Variants in NGF observed in about 807,000 individuals in gnomAD.
The protein encoded by NGF is nerve growth factor.
A neutral mutation model predicts 12.8 loss-of-function variants in NGF; 4 were observed. The ratio of observed to expected loss-of-function variants is 0.31; its 90% CI spans 0.15 to 0.72. NGF has a LOEUF of 0.72. Ranked by LOEUF, NGF falls within the 30% of genes least tolerant of loss-of-function variation. NGF has a pLI of 0.69. For missense variants in NGF, 283 were observed against 330.8 expected, an observed-to-expected ratio of 0.86 and a Z score of 1.12; for synonymous variants, 140 against 130.0, an observed-to-expected ratio of 1.08 and a Z score of -0.52.
intron 2 of NGF, among the ~76,000 whole-genome samples, chr1:115,290,386 CTTTTTTTTTTTTTTTT>C (rs67332447): frequency 7.8e-5 from 5 of 64,412 alleles, no homozygotes; most frequent in Admixed American, 2.5e-4. Context: ...CTTCTCTCAT[CTTTTTTTTTTTTTTTT>C]TTTTTTTTTT....
chr1:115,327,349 G>T (rs1314155532), intron 1 of NGF, among the ~76,000 whole-genome samples: 1 of 151,888 alleles, frequency 6.6e-6, no homozygotes, highest in Middle Eastern at 3.2e-3. Flanking sequence ...GCTCTTTTTT[G>T]GAAAAGTTCA....
intron 1 of NGF, among the ~76,000 whole-genome samples, chr1:115,297,763 T>C (rs1653915427): frequency 6.6e-6 from 1 of 152,210 alleles, no homozygotes; most frequent in Non-Finnish European, 1.5e-5. Flanking sequence ...CTACTGTCCC[T>C]GAATCCTCTG....
At chr1:115,337,547 C>T (rs578246989) in intron 1 of NGF, among the ~76,000 whole-genome samples, 1 of 152,184 alleles carries the variant, frequency 6.6e-6, no homozygotes, top group East Asian at 1.9e-4. Flanking sequence ...GGTTGTCCAA[C>T]GCGGCTCCGT....
At chr1:115,297,908 A>C (rs1653919474) in intron 1 of NGF, among the ~76,000 whole-genome samples, 1 of 152,186 alleles carries the variant, frequency 6.6e-6, no homozygotes, top group Non-Finnish European at 1.5e-5. Flanking sequence ...GGAATTTGTA[A>C]AGCTCCCTAG....
intron 1 of NGF, among the ~76,000 whole-genome samples, chr1:115,318,594 C>G (rs992004788): frequency 5.9e-5 from 9 of 152,182 alleles, no homozygotes; most frequent in Non-Finnish European, 1.3e-4. Flanking sequence ...GTCTGCTCAC[C>G]CAGCACCAGC....
At chr1:115,326,808 G>A (rs930850050) in intron 1 of NGF, among the ~76,000 whole-genome samples, 3 of 152,174 alleles carry the variant, frequency 2.0e-5, no homozygotes, top group Non-Finnish European at 2.9e-5. Flanking sequence ...TCACACTCCT[G>A]GTCCAGGTTT....
chr1:115,334,907 G>A lies in NGF; in HGVS notation c.-137+3297C>T, dbSNP rs116182467. On this transcript the variant is annotated intron_variant, in intron 1 of 2. Transcript: ENST00000369512. ...GAAAGTGAGGCCTGAGAAGCTTAGC[G>A]ACTTGCTCAAGGTCACAAAGCTACT... 2.7e-3 allele frequency among the ~76,000 whole-genome samples: 407 copies of A among 152,304 alleles called. 2 individuals are homozygous for A. The highest frequency in any genetic ancestry group is 9.4e-3 in the African/African-American group (390 of 41,566).
At chr1:115,307,029 C>T (rs1571083331) in intron 1 of NGF, among the ~76,000 whole-genome samples, 1 of 152,304 alleles carries the variant, frequency 6.6e-6, no homozygotes, top group Admixed American at 6.5e-5. Context: ...AGGTCAGGGA[C>T]AGAGGGAGAA....
chr1:115,337,821 G>C (rs959410418), intron 1 of NGF, among the ~76,000 whole-genome samples: 1 of 152,000 alleles, frequency 6.6e-6, no homozygotes, highest in African/African-American at 2.4e-5. Flanking sequence ...GCCAGCTGCC[G>C]GCGCATCCCT....
intron 2 of NGF, among the ~76,000 whole-genome samples, chr1:115,293,040 T>C (rs1653751043): frequency 6.6e-6 from 1 of 152,188 alleles, no homozygotes; most frequent in African/African-American, 2.4e-5. Flanking sequence ...GCTGAGATAA[T>C]AGTAATTATT....
intron 1 of NGF, among the ~76,000 whole-genome samples, chr1:115,322,486 G>C (rs116426012): frequency 0.025 from 3,839 of 152,188 alleles, 81 homozygotes; most frequent in African/African-American, 0.039. Context: ...AATGCCCTCT[G>C]ACACTAAGAG....
At chr1:115,315,385 G>A (rs1654449290) in intron 1 of NGF, among the ~76,000 whole-genome samples, 2 of 152,124 alleles carry the variant, frequency 1.3e-5, no homozygotes, top group Admixed American at 1.3e-4. Context: ...GAGGTGAGAA[G>A]ACAATGGAAG....
intron 1 of NGF, among the ~76,000 whole-genome samples, chr1:115,334,158 C>T (rs1182072998): frequency 1.3e-5 from 2 of 152,038 alleles, no homozygotes; most frequent in Non-Finnish European, 1.5e-5. Context: ...GGAAATGTCA[C>T]GTTATCAATT....
In NGF at chr1:115,286,570, GC is replaced by G; in HGVS notation, c.225del (p.Arg75SerfsTer83). 6.2e-7 allele frequency: 1 copy of G among 1,614,196 alleles called. No individual in the cohort carries two copies. Among genetic ancestry groups the G allele is most frequent in the Non-Finnish European group, 8.5e-7 (1 of 1,180,042 alleles). On this transcript the variant is annotated frameshift_variant, in exon 3 of 3. Coordinates refer to ENST00000369512, the MANE Select transcript of NGF (RefSeq NM_002506.3). LOFTEE classifies it high-confidence loss of function. ...GAACGGAGTCGCCGCTTTTTAAACAGCCTGGGGTCCACAGTAATGTTGCGGG... is the reference window on the plus strand; with the variant it reads ...GAACGGAGTCGCCGCTTTTTAAACAGCTGGGGTCCACAGTAATGTTGCGGG... ...GQTRNITVDPRLFKKRRLRSP... is the reference protein window; with the variant it reads ...GQTRNITVDPXLFKKRRLRSP...
At chr1:115,298,961 C>T (rs1454129460) in intron 1 of NGF, among the ~76,000 whole-genome samples, 1 of 152,094 alleles carries the variant, frequency 6.6e-6, no homozygotes. Context: ...TCAATTCTCC[C>T]ATCTCTCTGT....
chr1:115,323,656 T>C (rs1259531227), intron 1 of NGF, among the ~76,000 whole-genome samples: 2 of 152,230 alleles, frequency 1.3e-5, no homozygotes, highest in Non-Finnish European at 2.9e-5. Flanking sequence ...ATTATATCAC[T>C]CTGTAGACCT....
chr1:115,295,174 A>G (rs1477058778), intron 1 of NGF, among the ~76,000 whole-genome samples: 1 of 152,156 alleles, frequency 6.6e-6, no homozygotes, highest in Non-Finnish European at 1.5e-5. Flanking sequence ...TCGCTCCCCA[A>G]ATTCCAACCA....
chr1:115,326,026 T>C lies in NGF; in HGVS notation c.-137+12178A>G, dbSNP rs1021072437. On this transcript the variant is annotated intron_variant, in intron 1 of 2. Coordinates refer to ENST00000369512, the MANE Select transcript of NGF (RefSeq NM_002506.3). ...AAGAGTCTGGGGCCCAGGGGAGAGA[T>C]CCAGGCTGGAAATGAACATCCGGAA... Among the ~76,000 whole-genome samples the C allele has an allele frequency of 1.3e-5, 2 of 151,690 alleles. 1 individual carries two copies. The highest frequency in any genetic ancestry group is 1.3e-4 in the Admixed American group (2 of 15,228).
chr1:115,295,358 G>A (rs1014018018), intron 1 of NGF, among the ~76,000 whole-genome samples: 1 of 152,074 alleles, frequency 6.6e-6, no homozygotes, highest in African/African-American at 2.4e-5. Context: ...TACTCAATTG[G>A]GGTTGAAGGC....
Sources: allele counts gnomAD v4.1 joint callset (sites outside exome capture counted in the v4.1 genomes callset), GRCh38; gene constraint gnomAD v4.1.1; transcripts MANE v1.5; gene names NCBI Gene and HGNC (gene_info 2026-07-23, HGNC 2026-07-21).